TAS2R1: variants seen among roughly 807,000 people sequenced by gnomAD.
TAS2R1 encodes taste 2 receptor member 1, also known as taste receptor type 2 member 1.
For synonymous variants in TAS2R1, 141 were observed against 134.2 expected (o/e 1.05, Z -0.35); for missense variants, 370 against 353.4 (o/e 1.05, Z -0.38).
At chr5:9,737,664 T>G in the TAS2R1 span, among the ~76,000 whole-genome samples, 2 of 152,124 alleles carry the variant, frequency 1.3e-5, no homozygotes, top group Non-Finnish European at 2.9e-5. Context: ...AGTGGCAGTG[T>G]GGACAAACAG....
intron 1 of TAS2R1, among the ~76,000 whole-genome samples, chr5:9,702,101 A>AAAT (rs1451111621): frequency 2.0e-5 from 3 of 152,216 alleles, no homozygotes; most frequent in African/African-American, 4.8e-5. Flanking sequence ...CAGTCAGTTT[A>AAAT]AAGGCTCTAT....
At chr5:9,873,872 G>T in the TAS2R1 span, among the ~76,000 whole-genome samples, 1 of 121,732 alleles carries the variant, frequency 8.2e-6, no homozygotes, top group African/African-American at 3.1e-5. Flanking sequence ...CTGTCTCGGG[G>T]AAAAAAAAAA....
At chr5:9,789,724 T>A in the TAS2R1 span, among the ~76,000 whole-genome samples, 1 of 152,234 alleles carries the variant, frequency 6.6e-6, no homozygotes, top group Admixed American at 6.5e-5. Context: ...GGTGGTTGTG[T>A]GCTAGGCAAT....
the TAS2R1 span, among the ~76,000 whole-genome samples, chr5:9,873,187 C>T: frequency 6.6e-6 from 1 of 152,186 alleles, no homozygotes; most frequent in African/African-American, 2.4e-5. Context: ...CCCAGGCCCC[C>T]ACGCTGCACT....
the TAS2R1 span, among the ~76,000 whole-genome samples, chr5:9,747,913 AG>A: frequency 1.3e-5 from 2 of 152,186 alleles, 1 homozygote; most frequent in South Asian, 4.1e-4. Context: ...TAGTGTCACA[AG>A]GTACCTGGGG....
intron 2 of TAS2R1, among the ~76,000 whole-genome samples, chr5:9,655,428 C>T (rs1579770123): frequency 1.3e-5 from 2 of 151,876 alleles, no homozygotes; most frequent in Non-Finnish European, 2.9e-5. Context: ...AGAAAAAAAT[C>T]ATTGACTATG....
the TAS2R1 span, among the ~76,000 whole-genome samples, chr5:9,806,826 C>T: frequency 3.9e-5 from 6 of 152,202 alleles, no homozygotes; most frequent in East Asian, 1.2e-3. Flanking sequence ...AAAAACTCTT[C>T]TAGACATTGG....
the TAS2R1 span, among the ~76,000 whole-genome samples, chr5:9,775,166 T>G: frequency 5.9e-5 from 9 of 152,174 alleles, no homozygotes; most frequent in East Asian, 3.9e-4. Context: ...TTCCCACTCC[T>G]GCCCTCCCCT....
At chr5:9,746,161 A>C in the TAS2R1 span, among the ~76,000 whole-genome samples, 1 of 152,238 alleles carries the variant, frequency 6.6e-6, no homozygotes, top group African/African-American at 2.4e-5. Flanking sequence ...AAACATATGA[A>C]AAAAAGGTCA....
chr5:9,900,790 T>C, the TAS2R1 span, among the ~76,000 whole-genome samples: 1 of 151,884 alleles, frequency 6.6e-6, no homozygotes, highest in Non-Finnish European at 1.5e-5. Flanking sequence ...CCGGCTAATT[T>C]TTTTTTGTAT....
the TAS2R1 span, among the ~76,000 whole-genome samples, chr5:9,854,842 C>T: frequency 1.3e-5 from 2 of 152,152 alleles, no homozygotes; most frequent in African/African-American, 4.8e-5. Flanking sequence ...GGATATTCAG[C>T]CCATATTAAC....
chr5:9,896,874 T>C, the TAS2R1 span, among the ~76,000 whole-genome samples: 1 of 152,202 alleles, frequency 6.6e-6, no homozygotes, highest in South Asian at 2.1e-4. Flanking sequence ...ATCTACTGTG[T>C]GCATGACAAC....
the TAS2R1 span, among the ~76,000 whole-genome samples, chr5:9,885,664 G>A: frequency 6.6e-6 from 1 of 152,138 alleles, no homozygotes; most frequent in Non-Finnish European, 1.5e-5. Flanking sequence ...TAATTAAGAT[G>A]CAAAATTATC....
chr5:9,877,057 A>G, the TAS2R1 span, among the ~76,000 whole-genome samples: 89,011 of 152,118 alleles, frequency 0.59, 30,006 homozygotes, highest in Non-Finnish European at 0.76. Context: ...TTCATGGATC[A>G]TCAGACAGGA....
At chr5:9,666,992 A>T (rs1406713914) in intron 1 of TAS2R1, among the ~76,000 whole-genome samples, 1 of 152,208 alleles carries the variant, frequency 6.6e-6, no homozygotes, top group Non-Finnish European at 1.5e-5. Context: ...TTTTAAAAAA[A>T]GATAAAAAAG....
At chr5:9,876,595 G>C in the TAS2R1 span, among the ~76,000 whole-genome samples, 1 of 152,018 alleles carries the variant, frequency 6.6e-6, no homozygotes, top group Non-Finnish European at 1.5e-5. Flanking sequence ...TTTGCTGGTG[G>C]GGTTTTTAAA....
At chr5:9,748,465 AAG>A in the TAS2R1 span, among the ~76,000 whole-genome samples, 1 of 152,184 alleles carries the variant, frequency 6.6e-6, no homozygotes, top group African/African-American at 2.4e-5. Flanking sequence ...TGATAAATAA[AAG>A]AGGTTTATTT....
At chr5:9,720,771 AC>A in the TAS2R1 span, among the ~76,000 whole-genome samples, 2 of 152,226 alleles carry the variant, frequency 1.3e-5, no homozygotes, top group Admixed American at 1.3e-4. Flanking sequence ...GAAGCAGTCT[AC>A]CTTGAAGATT....
the TAS2R1 span, among the ~76,000 whole-genome samples, chr5:9,767,667 C>T: frequency 7.9e-5 from 12 of 152,192 alleles, no homozygotes; most frequent in East Asian, 1.7e-3. Context: ...TGGTGTCTCA[C>T]GCCTGTACTC....
Sources: gnomAD v4.1 joint callset for allele counts (sites outside exome capture counted in the v4.1 genomes callset) on GRCh38, gnomAD v4.1.1 for gene constraint, MANE v1.5 for transcripts, NCBI Gene and HGNC (gene_info 2026-07-23, HGNC 2026-07-21) for gene names.